GBE1: variants seen among roughly 807,000 people sequenced by gnomAD.
GBE1 encodes the protein 1,4-alpha-glucan-branching enzyme.
Under a neutral mutation model 88.8 loss-of-function variants are expected in GBE1, and 70 were observed. That is an observed-to-expected ratio of 0.79 (90% CI 0.65 to 0.96). GBE1 has a LOEUF of 0.96. Among genes scored for constraint, GBE1 ranks in the 40% least tolerant of loss-of-function variants. The pLI, the probability that GBE1 is intolerant of heterozygous loss-of-function variation, is 0.00. For missense variants in GBE1, 872 were observed against 871.0 expected, an observed-to-expected ratio of 1.00 and a Z score of -0.01; for synonymous variants, 284 against 300.1, an observed-to-expected ratio of 0.95 and a Z score of 0.56.
intron 14 of GBE1, among the ~76,000 whole-genome samples, chr3:81,502,269 T>A (rs888426723): frequency 1.3e-5 from 2 of 152,168 alleles, no homozygotes; most frequent in Non-Finnish European, 2.9e-5. Context: ...AAGGATTCAT[T>A]TCTCTTTGAC....
chr3:81,761,320 G>T, intron 1 of GBE1, 55 bp downstream of exon 1: 2 of 1,559,974 alleles, frequency 1.3e-6, no homozygotes, highest in East Asian at 2.4e-5. Context: ...TCCCGAGACG[G>T]CTCCTGGGAG....
rs1490328834 is a variant in GBE1 at position 81,642,817 on chromosome 3, T to C, written c.956A>G (p.His319Arg). 2 of 1,613,028 alleles carry C rather than the reference T, an allele frequency of 1.2e-6. No homozygotes were observed. The highest frequency in any genetic ancestry group is 8.5e-7 in the Non-Finnish European group (1 of 1,179,108). Residue 319 changes from histidine (H) to arginine (R), a missense_variant, in exon 7 of 16, where the codon CAT becomes CGT. Physicochemically the swap from His to Arg is conservative, Grantham distance 29. Coordinates refer to ENST00000429644, the MANE Select transcript of GBE1 (RefSeq NM_000158.4). ...CYFHSGPRGTHDLWDSRLFAY... is the reference protein window; with the variant it reads ...CYFHSGPRGTRDLWDSRLFAY... Reference sequence around the variant, plus strand: ...AAACAATCTGCTATCCCAAAGATCATGAGTCCCTCTAGGTCCAGAATGAAA... The same window carrying C: ...AAACAATCTGCTATCCCAAAGATCACGAGTCCCTCTAGGTCCAGAATGAAA...
At chr3:81,698,012 TTA>T (rs1023634232) in intron 2 of GBE1, among the ~76,000 whole-genome samples, 3 of 148,014 alleles carry the variant, frequency 2.0e-5, no homozygotes, top group Non-Finnish European at 4.5e-5. Context: ...ATATTAGGTG[TTA>T]TATATTATAT....
intron 7 of GBE1, among the ~76,000 whole-genome samples, chr3:81,635,095 A>G (rs1270662791): frequency 6.6e-6 from 1 of 152,178 alleles, no homozygotes. Flanking sequence ...TGCTATGAGA[A>G]AATGTAACTG....
intron 12 of GBE1, among the ~76,000 whole-genome samples, chr3:81,561,577 GA>G: frequency 6.6e-6 from 1 of 152,120 alleles, no homozygotes; most frequent in Admixed American, 6.6e-5. Flanking sequence ...AGTGTGGAAA[GA>G]ATTTAGACCT....
chr3:81,640,308 A>G (rs1282749984), intron 7 of GBE1, among the ~76,000 whole-genome samples: 1 of 152,042 alleles, frequency 6.6e-6, no homozygotes, highest in Non-Finnish European at 1.5e-5. Flanking sequence ...CTGCCAGCAC[A>G]GCCAGAATAA....
chr3:81,597,724 C>T (rs1365812639), intron 7 of GBE1, among the ~76,000 whole-genome samples: 1 of 151,482 alleles, frequency 6.6e-6, no homozygotes, highest in Non-Finnish European at 1.5e-5. Context: ...TCTTTTGAAT[C>T]ATAAACCACT....
At chr3:81,520,323 C>A (rs143330146) in intron 14 of GBE1, among the ~76,000 whole-genome samples, 6 of 151,422 alleles carry the variant, frequency 4.0e-5, no homozygotes, top group African/African-American at 4.8e-5. Flanking sequence ...ATTATCGCAA[C>A]GTTTCAAACT....
In GBE1 at chr3:81,702,082, G is replaced by GGAGA. The variant is rs145867211; in HGVS notation, c.313+3358_313+3361dup. ...GGGAAAAATAAAATACAGAATCCCTGGAGAGAGAGAGAGAGAGAGAGTGTG... is the reference window on the plus strand; with the variant it reads ...GGGAAAAATAAAATACAGAATCCCTGGAGAGAGAGAGAGAGAGAGAGAGAGTGTG... On this transcript the variant is annotated intron_variant, in intron 2 of 15. Coordinates refer to ENST00000429644, the MANE Select transcript of GBE1 (RefSeq NM_000158.4). Among the ~76,000 whole-genome samples, 441 of 76,680 alleles carry GGAGA rather than the reference G, an allele frequency of 5.8e-3. 39 individuals carry two copies. In the East Asian group the frequency reaches 0.061, roughly 11 times the overall value. The allele number at this position is 76,680 out of a possible 152,430, so 50.3% of individuals were successfully genotyped here.
rs1042825511 is a variant in GBE1, at chr3:81,500,580, A to G, written c.1935-1353T>C. Among the ~76,000 whole-genome samples the G allele has an allele frequency of 4.6e-5, 7 of 152,324 alleles. 1 individual carries two copies. Among genetic ancestry groups the G allele is most frequent in the East Asian group, 1.9e-4 (1 of 5,186 alleles). On this transcript the variant is annotated intron_variant, in intron 14 of 15. Transcript: ENST00000429644. ...CCAATTAATGAATTACTGGTTCACA[A>G]CGTAGGCTTTTGATAGCAGTGGCTA...
chr3:81,602,907 G>A (rs1226646639), intron 7 of GBE1, among the ~76,000 whole-genome samples: 1 of 152,030 alleles, frequency 6.6e-6, no homozygotes, highest in Admixed American at 6.6e-5. Context: ...CTTCTCACTC[G>A]ATACTCCTTC....
intron 5 of GBE1, 113 bp downstream of exon 5, chr3:81,648,743 T>G (rs563949499): frequency 1.8e-6 from 1 of 561,146 alleles, no homozygotes; most frequent in East Asian, 3.2e-5. Context: ...AATGCCTTTC[T>G]ATTACATATT....
At chr3:81,604,430 G>A (rs1704077851) in intron 7 of GBE1, among the ~76,000 whole-genome samples, 1 of 151,554 alleles carries the variant, frequency 6.6e-6, no homozygotes, top group Non-Finnish European at 1.5e-5. Context: ...GGGATGACAG[G>A]AGTGCACCAC....
intron 1 of GBE1, among the ~76,000 whole-genome samples, chr3:81,750,552 T>C (rs1304596710): frequency 5.7e-5 from 4 of 70,420 alleles, no homozygotes; most frequent in Non-Finnish European, 1.0e-4. Flanking sequence ...TATATATATG[T>C]ATATATATAT....
intron 14 of GBE1, among the ~76,000 whole-genome samples, chr3:81,506,571 C>T (rs1026897253): frequency 6.6e-6 from 1 of 152,084 alleles, no homozygotes; most frequent in Non-Finnish European, 1.5e-5. Flanking sequence ...TTACAGGGTA[C>T]ATACTCAAAG....
chr3:81,595,756 T>TA, intron 7 of GBE1, among the ~76,000 whole-genome samples: 1 of 152,076 alleles, frequency 6.6e-6, no homozygotes, highest in South Asian at 2.1e-4. Context: ...CAATATTTAA[T>TA]CTATTCTACT....
At chr3:81,575,262 A>T (rs562040801) in intron 12 of GBE1, among the ~76,000 whole-genome samples, 11 of 152,266 alleles carry the variant, frequency 7.2e-5, no homozygotes, top group Admixed American at 1.3e-4. Context: ...TATTTCATAT[A>T]TGATAGAATA....
At chr3:81,728,807 G>C (rs948613723) in intron 1 of GBE1, among the ~76,000 whole-genome samples, 1 of 152,142 alleles carries the variant, frequency 6.6e-6, no homozygotes, top group Middle Eastern at 3.4e-3. Context: ...TATACACAAA[G>C]ATGTATAACA....
chr3:81,505,733 T>C (rs1281192906), intron 14 of GBE1, among the ~76,000 whole-genome samples: 1 of 152,052 alleles, frequency 6.6e-6, no homozygotes, highest in Non-Finnish European at 1.5e-5. Context: ...TGGAGGGGTG[T>C]CGTGGTCGGG....
Sources: gnomAD v4.1 joint callset for allele counts (sites outside exome capture counted in the v4.1 genomes callset) on GRCh38, gnomAD v4.1.1 for gene constraint, MANE v1.5 for transcripts, NCBI Gene and HGNC (gene_info 2026-07-23, HGNC 2026-07-21) for gene names.